RBFOX1: variants seen among roughly 807,000 people sequenced by gnomAD.
RBFOX1 encodes RNA binding fox-1 homolog 1, also known as RNA binding protein fox-1 homolog 1.
Under a neutral mutation model 57.7 loss-of-function variants are expected in RBFOX1, and 8 were observed. That is an observed-to-expected ratio of 0.14 (90% CI 0.08 to 0.25). The LOEUF is 0.25. RBFOX1 is among the 10% of genes least tolerant of loss of function. The pLI is 1.00. For missense variants in RBFOX1, 611 were observed against 548.5 expected (o/e 1.11, Z -1.14); for synonymous variants, 326 against 222.4 (o/e 1.47, Z -4.15).
At chr16:5,890,056 G>A (rs137902828) in intron 4 of RBFOX1, among the ~76,000 whole-genome samples, 90 of 152,286 alleles carry the variant, frequency 5.9e-4, no homozygotes, top group African/African-American at 2.0e-3. Context: ...GCAGTTCCGT[G>A]TGTTCCAGCT....
rs570596435 is a variant in RBFOX1 at position 6,713,554 on chromosome 16, C to A, written c.-16+58904C>A. ...AGTAAAACCCCCTCCCCAGTTGAGA[C>A]AACCACAAATCTCTCCAGATATTTT... On this transcript the variant is annotated intron_variant, in intron 3 of 15. Transcript: ENST00000550418. Among the ~76,000 whole-genome samples, 11 of 152,172 alleles carry A rather than the reference C, an allele frequency of 7.2e-5. No individual in the cohort carries two copies. In the East Asian group the frequency reaches 2.1e-3, roughly 29 times the overall value.
chr16:5,480,650 G>A (rs558055748), intron 2 of RBFOX1, among the ~76,000 whole-genome samples: 1 of 152,330 alleles, frequency 6.6e-6, no homozygotes, highest in South Asian at 2.1e-4. Flanking sequence ...GTGTATGTGA[G>A]TGTGCACATG....
At chr16:5,551,714 C>G (rs371056201) in intron 2 of RBFOX1, among the ~76,000 whole-genome samples, 1 of 151,992 alleles carries the variant, frequency 6.6e-6, no homozygotes, top group South Asian at 2.1e-4. Flanking sequence ...TGGTAGTTTG[C>G]CGCACCTATG....
At chr16:5,264,513 A>G (rs1191600312) in intron 1 of RBFOX1, among the ~76,000 whole-genome samples, 35 of 152,222 alleles carry the variant, frequency 2.3e-4, no homozygotes, top group Admixed American at 2.2e-3. Context: ...TTGGTGAAAG[A>G]CCACCAGCTG....
At chr16:5,441,270 T>C (rs1392893732) in intron 1 of RBFOX1, among the ~76,000 whole-genome samples, 1 of 152,112 alleles carries the variant, frequency 6.6e-6, no homozygotes, top group Non-Finnish European at 1.5e-5. Context: ...ACAATGGGCC[T>C]GGCTCTGGGG....
intron 2 of RBFOX1, among the ~76,000 whole-genome samples, chr16:5,536,228 CTTTTTTTTTTTTTT>C (rs57061495): frequency 1.9e-5 from 2 of 103,536 alleles, no homozygotes; most frequent in East Asian, 2.8e-4. Flanking sequence ...AATCTCCTGT[CTTTTTTTTTTTTTT>C]TTTTTTTTTT....
At chr16:7,066,558 A>G (rs1251182426) in intron 4 of RBFOX1, among the ~76,000 whole-genome samples, 1 of 152,180 alleles carries the variant, frequency 6.6e-6, no homozygotes, top group African/African-American at 2.4e-5. Flanking sequence ...TTTAGGTGCT[A>G]CCAGTTAAAT....
chr16:6,953,059 C>T (rs572032528), intron 3 of RBFOX1, among the ~76,000 whole-genome samples: 42 of 152,226 alleles, frequency 2.8e-4, no homozygotes, highest in Middle Eastern at 6.8e-3. Context: ...TTCTATATTG[C>T]AGGTGGCGAA....
intron 3 of RBFOX1, among the ~76,000 whole-genome samples, chr16:6,748,647 AG>A (rs1167585079): frequency 6.6e-6 from 1 of 152,230 alleles, no homozygotes; most frequent in Non-Finnish European, 1.5e-5. Context: ...CAACAAGGCA[AG>A]ATCCTGTCTC....
intron 2 of RBFOX1, among the ~76,000 whole-genome samples, chr16:6,450,792 T>C (rs1484570247): frequency 0.021 from 338 of 15,742 alleles, 30 homozygotes; most frequent in African/African-American, 0.13. Context: ...TATATATACA[T>C]ATATATATGT....
chr16:6,882,015 C>T (rs545867069), intron 3 of RBFOX1, among the ~76,000 whole-genome samples: 1 of 152,224 alleles, frequency 6.6e-6, no homozygotes, highest in South Asian at 2.1e-4. Flanking sequence ...CTAAAATCAC[C>T]AAAGACTCTA....
At chr16:6,472,315 C>T (rs530365948) in intron 2 of RBFOX1, among the ~76,000 whole-genome samples, 2 of 152,296 alleles carry the variant, frequency 1.3e-5, no homozygotes, top group East Asian at 1.9e-4. Context: ...CTATGGTACA[C>T]GTGGTGGAGA....
At chr16:7,708,961 C>G (rs1050584585) in intron 14 of RBFOX1, 95 bp from the exon 15 acceptor site, 2 of 1,110,852 alleles carry the variant, frequency 1.8e-6, no homozygotes, top group Admixed American at 3.5e-5. Flanking sequence ...ATGAGTAGGG[C>G]CCCTGCATAC....
At chr16:7,346,574 GT>G (rs989779625) in intron 4 of RBFOX1, among the ~76,000 whole-genome samples, 1 of 151,374 alleles carries the variant, frequency 6.6e-6, no homozygotes, top group African/African-American at 2.4e-5. Context: ...TGCCATCCTG[GT>G]TTACTCTATA....
At chr16:7,556,371 C>T (rs2088483903) in intron 5 of RBFOX1, among the ~76,000 whole-genome samples, 2 of 152,178 alleles carry the variant, frequency 1.3e-5, no homozygotes, top group African/African-American at 2.4e-5. Context: ...AATAGCATTA[C>T]TCATCAAGTC....
At chr16:7,670,442 G>A (rs2071023217) in intron 13 of RBFOX1, among the ~76,000 whole-genome samples, 2 of 152,170 alleles carry the variant, frequency 1.3e-5, no homozygotes, top group African/African-American at 4.8e-5. Context: ...CTGAAGCCCT[G>A]AGCCCACAAA....
At chr16:5,466,921 C>T (rs75992755) in intron 1 of RBFOX1, among the ~76,000 whole-genome samples, 1,665 of 152,294 alleles carry the variant, frequency 0.011, 36 homozygotes, top group African/African-American at 0.039. Flanking sequence ...AATTATCATT[C>T]TGATCTGATC....
At chr16:6,127,575 C>G (rs2096599063) in intron 1 of RBFOX1, among the ~76,000 whole-genome samples, 1 of 152,126 alleles carries the variant, frequency 6.6e-6, no homozygotes, top group Middle Eastern at 3.2e-3. Flanking sequence ...GGTGGTAAGT[C>G]TCTAAAGAAG....
chr16:6,103,692 G>T (rs1425262746), intron 1 of RBFOX1, among the ~76,000 whole-genome samples: 1 of 152,036 alleles, frequency 6.6e-6, no homozygotes, highest in East Asian at 1.9e-4. Flanking sequence ...TCTGGGGGTG[G>T]GAAATGTGGA....
Sources: allele counts gnomAD v4.1 joint callset (sites outside exome capture counted in the v4.1 genomes callset), GRCh38; gene constraint gnomAD v4.1.1; transcripts MANE v1.5; gene names NCBI Gene and HGNC (gene_info 2026-07-23, HGNC 2026-07-21).